The following ARNT2 variants were observed in gnomAD, a reference collection of about 807,000 sequenced individuals.
ARNT2 encodes ARNT protein 2.
A neutral mutation model predicts 91.7 loss-of-function variants in ARNT2; 36 were observed. The observed-to-expected ratio is 0.39, with a 90% CI of 0.30 to 0.52. The LOEUF is 0.52. Among genes scored for constraint, ARNT2 ranks in the 20% least tolerant of loss-of-function variants. The pLI, the probability that ARNT2 is intolerant of heterozygous loss-of-function variation, is 0.72. For synonymous variants in ARNT2, 365 were observed against 347.1 expected, an observed-to-expected ratio of 1.05 and a Z score of -0.57; for missense variants, 775 against 939.3, an observed-to-expected ratio of 0.83 and a Z score of 2.29.
intron 3 of ARNT2, among the ~76,000 whole-genome samples, chr15:80,463,565 G>T (rs1365874404): frequency 1.5e-5 from 2 of 132,288 alleles, no homozygotes; most frequent in African/African-American, 5.6e-5. Context: ...TGATATGGAT[G>T]GGTGATTTCC....
At chr15:80,505,927 G>GTTTTTTTTTTTTTTTTTTTTT (rs1161520898) in intron 5 of ARNT2, among the ~76,000 whole-genome samples, 3 of 88,930 alleles carry the variant, frequency 3.4e-5, no homozygotes, top group African/African-American at 8.5e-5. Flanking sequence ...AACATTTGTT[G>GTTTTTTTTTTTTTTTTTTTTT]TTTTTTTTTT....
At chr15:80,571,442 A>T (rs1898581908) in intron 12 of ARNT2, among the ~76,000 whole-genome samples, 1 of 152,196 alleles carries the variant, frequency 6.6e-6, no homozygotes, top group African/African-American at 2.4e-5. Context: ...ACCACTTACC[A>T]GCCTGGTGAT....
chr15:80,487,663 C>G (rs1253677247), intron 5 of ARNT2: 1 of 152,252 alleles, frequency 6.6e-6, no homozygotes, highest in Non-Finnish European at 1.5e-5. Flanking sequence ...CCTTTATAAT[C>G]GGACCCTGAA....
intron 1 of ARNT2, among the ~76,000 whole-genome samples, chr15:80,413,480 A>G (rs561724135): frequency 2.0e-5 from 3 of 152,386 alleles, no homozygotes; most frequent in East Asian, 1.9e-4. Context: ...ACCATTAGGC[A>G]GGCCATGGTG....
intron 5 of ARNT2, among the ~76,000 whole-genome samples, chr15:80,504,012 G>A (rs900185372): frequency 3.9e-5 from 6 of 152,206 alleles, no homozygotes; most frequent in African/African-American, 1.4e-4. Context: ...GACAGAGCCG[G>A]CCCAAGGAGA....
At chr15:80,489,902 A>G (rs1897029665) in intron 5 of ARNT2, among the ~76,000 whole-genome samples, 1 of 152,170 alleles carries the variant, frequency 6.6e-6, no homozygotes. Flanking sequence ...GACAGGGTAC[A>G]GGGATCCTCC....
intron 8 of ARNT2, among the ~76,000 whole-genome samples, chr15:80,528,649 A>G (rs887887922): frequency 4.6e-5 from 7 of 151,964 alleles, no homozygotes; most frequent in Non-Finnish European, 5.9e-5. Flanking sequence ...GGGATCTGTG[A>G]GTTCTCATTC....
chr15:80,531,847 G>A (rs553579194), intron 8 of ARNT2, among the ~76,000 whole-genome samples: 2 of 152,292 alleles, frequency 1.3e-5, no homozygotes, highest in African/African-American at 2.4e-5. Flanking sequence ...CTGAAGCTCC[G>A]TGAGGTTCTG....
intron 8 of ARNT2, among the ~76,000 whole-genome samples, chr15:80,523,257 A>T (rs908223291): frequency 6.6e-6 from 1 of 152,232 alleles, no homozygotes; most frequent in Non-Finnish European, 1.5e-5. Flanking sequence ...GGCCCAGTTC[A>T]CCGAGCATGT....
At chr15:80,432,908 T>C (rs1276161053) in intron 1 of ARNT2, among the ~76,000 whole-genome samples, 3 of 152,148 alleles carry the variant, frequency 2.0e-5, no homozygotes, top group East Asian at 1.9e-4. Context: ...TAGTACCAAA[T>C]AGCATAAAAA....
chr15:80,524,504 G>A (rs1897602835), intron 8 of ARNT2, among the ~76,000 whole-genome samples: 1 of 152,108 alleles, frequency 6.6e-6, no homozygotes, highest in Admixed American at 6.5e-5. Flanking sequence ...GTAAAGAATT[G>A]GTTAAAAATA....
chr15:80,530,394 T>G (rs997693663), intron 8 of ARNT2, among the ~76,000 whole-genome samples: 1 of 152,126 alleles, frequency 6.6e-6, no homozygotes, highest in Non-Finnish European at 1.5e-5. Flanking sequence ...GGGATAGAGA[T>G]CTGCTCTCCC....
chr15:80,463,973 C>T (rs1896608001), intron 3 of ARNT2, among the ~76,000 whole-genome samples: 1 of 152,172 alleles, frequency 6.6e-6, no homozygotes, highest in African/African-American at 2.4e-5. Context: ...AGTTTTTCTG[C>T]TGGAGAGATT....
At chr15:80,551,388 TG>T in intron 9 of ARNT2, 113 bp downstream of exon 9, 2 of 998,652 alleles carry the variant, frequency 2.0e-6, no homozygotes, top group Non-Finnish European at 3.0e-6. Flanking sequence ...TGGTATTTGT[TG>T]GGTTTCGTGT....
intron 8 of ARNT2, among the ~76,000 whole-genome samples, chr15:80,545,595 C>T (rs1383420177): frequency 6.6e-6 from 1 of 152,150 alleles, no homozygotes; most frequent in Non-Finnish European, 1.5e-5. Flanking sequence ...CATTGATATG[C>T]AACTGGTGAG....
chr15:80,435,656 G>A (rs1461085725), intron 1 of ARNT2, among the ~76,000 whole-genome samples: 3 of 152,156 alleles, frequency 2.0e-5, no homozygotes, highest in Admixed American at 6.5e-5. Flanking sequence ...AGGATATGCT[G>A]TCCAAGGCCA....
chr15:80,432,435 G>T (rs998356209), intron 1 of ARNT2, among the ~76,000 whole-genome samples: 1 of 152,090 alleles, frequency 6.6e-6, no homozygotes, highest in Non-Finnish European at 1.5e-5. Flanking sequence ...AACACCAAAA[G>T]AATATTCCAT....
chr15:80,478,499 C>T (rs1322343448), intron 5 of ARNT2, among the ~76,000 whole-genome samples: 1 of 152,202 alleles, frequency 6.6e-6, no homozygotes, highest in Non-Finnish European at 1.5e-5. Flanking sequence ...GGGTGTCCTC[C>T]AAGATGCCAG....
chr15:80,414,985 T>C (rs1357056829), intron 1 of ARNT2, among the ~76,000 whole-genome samples: 1 of 152,160 alleles, frequency 6.6e-6, no homozygotes, highest in Non-Finnish European at 1.5e-5. Context: ...CTTATGCAAA[T>C]TTATGCAAAT....
Sources: allele counts gnomAD v4.1 joint callset (sites outside exome capture counted in the v4.1 genomes callset), GRCh38; gene constraint gnomAD v4.1.1; transcripts MANE v1.5; gene names NCBI Gene and HGNC (gene_info 2026-07-23, HGNC 2026-07-21).